Variants in AGAP1 observed in about 807,000 individuals in gnomAD.
The protein encoded by AGAP1 is ArfGAP with GTPase domain, ankyrin repeat and PH domain 1.
In AGAP1, 29 loss-of-function variants were observed where a neutral mutation model predicts 105.3. The ratio of observed to expected loss-of-function variants is 0.28; its 90% CI spans 0.21 to 0.38. The LOEUF is 0.38. Ranked by LOEUF, AGAP1 falls within the 10% of genes least tolerant of loss-of-function variation. The probability of loss-of-function intolerance (pLI) is 1.00; values close to 1 mark genes in which losing one functional copy is unlikely to be tolerated. For synonymous variants in AGAP1, 509 were observed against 485.9 expected (o/e 1.05, Z -0.63); for missense variants, 998 against 1,165.1 (o/e 0.86, Z 2.09).
At position 236,096,791 on chromosome 2, in the gene AGAP1, C is replaced by T. The variant is rs1487697353; in HGVS notation, c.2115-23401C>T. On this transcript the variant is annotated intron_variant, in intron 16 of 17. Coordinates refer to ENST00000304032, the MANE Select transcript of AGAP1 (RefSeq NM_001037131.3). This position sits in a 1 kb window ranked among gnomAD's most constrained non-coding sequence, Gnocchi z 4.4. ...TAGAAATGGAGTTTCACCGTGTTGG[C>T]CAGGCTGGTCTCGAGCTCCCAACCT... Among the ~76,000 whole-genome samples, 2 of 151,892 alleles carry T rather than the reference C, an allele frequency of 1.3e-5. No homozygotes were observed. Among genetic ancestry groups the T allele is most frequent in the Non-Finnish European group, 2.9e-5 (2 of 67,996 alleles).
At chr2:235,922,787 T>A (rs1206092417) in intron 11 of AGAP1, among the ~76,000 whole-genome samples, 4 of 152,274 alleles carry the variant, frequency 2.6e-5, no homozygotes, top group Non-Finnish European at 5.9e-5. Context: ...GGCAACATAC[T>A]GATATTCATT....
chr2:235,950,887 CTTTTTTTTTTTTTT>C (rs200110792), intron 12 of AGAP1, among the ~76,000 whole-genome samples: 49 of 118,244 alleles, frequency 4.1e-4, no homozygotes, highest in African/African-American at 8.9e-4. Flanking sequence ...TCTCCAAGCA[CTTTTTTTTTTTTTT>C]TTTTTTTTTT....
chr2:235,828,993 G>A (rs1008111924), intron 9 of AGAP1, among the ~76,000 whole-genome samples: 1 of 152,216 alleles, frequency 6.6e-6, no homozygotes, highest in African/African-American at 2.4e-5. Context: ...ATGCAGTTTT[G>A]TGGACTGGTA....
At position 235,864,188 on chromosome 2, in the gene AGAP1, C is replaced by T. The variant is rs1425304593; in HGVS notation, c.1051-19157C>T. ...ATCATTCGCTAGAATAAAGCAGGAG[C>T]AGCAGGTTCTGATTGTTCCTTTTTC... On this transcript the variant is annotated intron_variant, in intron 9 of 17. Transcript: ENST00000304032. The surrounding 1 kb of genome is among the most constrained non-coding windows in gnomAD (Gnocchi z 5.0). 1.3e-5 allele frequency among the ~76,000 whole-genome samples: 2 copies of T among 152,144 alleles called. No individual in the cohort carries two copies. Among genetic ancestry groups the T allele is most frequent in the African/African-American group, 4.8e-5 (2 of 41,434 alleles).
intron 9 of AGAP1, among the ~76,000 whole-genome samples, chr2:235,861,025 C>G (rs1321033363): frequency 6.6e-6 from 1 of 152,146 alleles, no homozygotes; most frequent in Non-Finnish European, 1.5e-5. Context: ...ACAATTGTTA[C>G]TTGATGACTG....
intron 1 of AGAP1, among the ~76,000 whole-genome samples, chr2:235,637,184 TCA>T (rs796295731): frequency 6.6e-6 from 1 of 152,282 alleles, no homozygotes; most frequent in African/African-American, 2.4e-5. Context: ...GCCACTGGTC[TCA>T]GTTTCTTTGT....
In AGAP1 at chr2:235,957,654, G is replaced by C. The variant is rs2054005757; in HGVS notation, c.1484-10808G>C. On this transcript the variant is annotated intron_variant, in intron 12 of 17. Transcript: ENST00000304032. This position sits in a 1 kb window ranked among gnomAD's most constrained non-coding sequence, Gnocchi z 4.6. ...TCACCTTTTAACAGAGACCCAGGAT[G>C]TTGTGATTTCCTTGGATGGCAAAGG... Among the ~76,000 whole-genome samples the C allele has an allele frequency of 1.3e-5, 2 of 152,236 alleles. No homozygotes were observed.
Position 235,960,825 on chromosome 2 carries a change from G to A in AGAP1, c.1484-7637G>A, listed in dbSNP as rs1348700157. 6.6e-6 allele frequency among the ~76,000 whole-genome samples: 1 copy of A among 152,172 alleles called. No individual in the cohort carries two copies. Among genetic ancestry groups the A allele is most frequent in the African/African-American group, 2.4e-5 (1 of 41,428 alleles). ...CTCTGTGTCAATAGACTTCACTCATGGACTCAGTCGTTCGCCTAAAAATAG... is the reference window on the plus strand; with the variant it reads ...CTCTGTGTCAATAGACTTCACTCATAGACTCAGTCGTTCGCCTAAAAATAG... On this transcript the variant is annotated intron_variant, in intron 12 of 17. Transcript: ENST00000304032. The surrounding 1 kb of genome is among the most constrained non-coding windows in gnomAD (Gnocchi z 4.9).
chr2:235,641,541 G>A (rs1359186503), intron 1 of AGAP1, among the ~76,000 whole-genome samples: 4 of 151,982 alleles, frequency 2.6e-5, no homozygotes, highest in Non-Finnish European at 4.4e-5. Context: ...AGTGGGTTGC[G>A]TGGCCCGTCT....
At chr2:235,589,840 G>T (rs888623719) in intron 1 of AGAP1, among the ~76,000 whole-genome samples, 24 of 150,446 alleles carry the variant, frequency 1.6e-4, no homozygotes, top group African/African-American at 5.3e-4. Flanking sequence ...AGAGAGAGAG[G>T]CTCACCTCTT....
At chr2:235,876,663 G>T (rs2049749350) in intron 9 of AGAP1, among the ~76,000 whole-genome samples, 1 of 152,140 alleles carries the variant, frequency 6.6e-6, no homozygotes, top group Admixed American at 6.5e-5. Flanking sequence ...GACAACTAAA[G>T]CCTGACTTTG....
rs1187490059 is a variant in AGAP1, at chr2:235,958,091, T to C, written c.1484-10371T>C. Among the ~76,000 whole-genome samples the C allele has an allele frequency of 6.6e-6, 1 of 152,210 alleles. No homozygotes were observed. Among genetic ancestry groups the C allele is most frequent in the Admixed American group, 6.5e-5 (1 of 15,290 alleles). ...TTTCCATATAGATGCATGCTTCTTA[T>C]GAACATGTTTTAAAGCATTTTGTAT... On this transcript the variant is annotated intron_variant, in intron 12 of 17. Transcript: ENST00000304032. The surrounding 1 kb of genome is among the most constrained non-coding windows in gnomAD (Gnocchi z 4.1).
rs74364435 is a variant in AGAP1, at chr2:236,122,547, A to G, written c.2371-1372A>G. On this transcript the variant is annotated intron_variant, in intron 17 of 17. Coordinates refer to ENST00000304032, the MANE Select transcript of AGAP1 (RefSeq NM_001037131.3). Reference sequence around the variant, plus strand: ...GTGAATTCACTCTTTTTCATGAGCAAAAAGCTTAAAAACGTTGTGTACTTT... The same window carrying G: ...GTGAATTCACTCTTTTTCATGAGCAGAAAGCTTAAAAACGTTGTGTACTTT... 8.5e-3 allele frequency among the ~76,000 whole-genome samples: 1,295 copies of G among 152,324 alleles called. 46 individuals carry two copies. The highest frequency in any genetic ancestry group is 0.057 in the Admixed American group (878 of 15,310).
At chr2:235,735,401 A>G (rs1409682556) in intron 3 of AGAP1, among the ~76,000 whole-genome samples, 2 of 152,100 alleles carry the variant, frequency 1.3e-5, no homozygotes, top group African/African-American at 4.8e-5. Context: ...CTCTGTGTAG[A>G]CTGCACTTGT....
Position 235,721,733 on chromosome 2 carries a change from G to C in AGAP1, c.310+4089G>C, listed in dbSNP as rs1049658962. Among the ~76,000 whole-genome samples, 1 of 152,190 alleles carries C rather than the reference G, an allele frequency of 6.6e-6. No individual in the cohort carries two copies. Among genetic ancestry groups the C allele is most frequent in the Non-Finnish European group, 1.5e-5 (1 of 68,036 alleles). ...TGCATATCCTTTATATTCTAATCCT[G>C]ACCCATGGCTGGGATATGTAGATTG... On this transcript the variant is annotated intron_variant, in intron 3 of 17. Transcript: ENST00000304032. The surrounding 1 kb of genome is among the most constrained non-coding windows in gnomAD (Gnocchi z 4.5).
chr2:235,495,021 G>A (rs918435680), intron 1 of AGAP1, among the ~76,000 whole-genome samples, 172 bp downstream of exon 1: 6 of 152,074 alleles, frequency 3.9e-5, no homozygotes, highest in African/African-American at 1.4e-4. Context: ...AGCGTCGCCT[G>A]CGCCCCGCCG....
chr2:236,048,984 C>G, intron 15 of AGAP1, 75 bp from the exon 16 acceptor site: 1 of 1,399,428 alleles, frequency 7.1e-7, no homozygotes, highest in Middle Eastern at 1.9e-4. Flanking sequence ...GATTCGTCGC[C>G]TTGTGTTTCT....
chr2:235,955,907 C>T (rs1026140720), intron 12 of AGAP1, among the ~76,000 whole-genome samples: 6 of 152,174 alleles, frequency 3.9e-5, no homozygotes, highest in African/African-American at 1.4e-4. Flanking sequence ...AGCCCACCTT[C>T]CCCACTCAGA....
rs1445586647 is a variant in AGAP1, at chr2:235,888,862, A to C, written c.1155+5413A>C. Among the ~76,000 whole-genome samples the C allele has an allele frequency of 6.6e-6, 1 of 152,154 alleles. No individual in the cohort carries two copies. The highest frequency in any genetic ancestry group is 2.4e-5 in the African/African-American group (1 of 41,444). On this transcript the variant is annotated intron_variant, in intron 10 of 17. Coordinates refer to ENST00000304032, the MANE Select transcript of AGAP1 (RefSeq NM_001037131.3). The surrounding 1 kb of genome is among the most constrained non-coding windows in gnomAD (Gnocchi z 4.8). ...TACCTTTGTTTGGGAAAGACACCCC[A>C]GCAGTGGGGAGCTCTGGCTTTCAGT...
Sources: gnomAD v4.1 joint callset for allele counts (sites outside exome capture counted in the v4.1 genomes callset) on GRCh38, gnomAD v4.1.1 for gene constraint, Gnocchi (gnomAD v3.1) non-coding constraint, MANE v1.5 for transcripts, NCBI Gene and HGNC (gene_info 2026-07-23, HGNC 2026-07-21) for gene names.